The following MND1 variants were observed in gnomAD, a reference collection of about 807,000 sequenced individuals.
The protein encoded by MND1 is meiotic nuclear division protein 1 homolog.
MND1 carries 28 observed loss-of-function variants against 35.1 expected under a neutral mutation model. The ratio of observed to expected loss-of-function variants is 0.80; its 90% CI spans 0.59 to 1.09. The LOEUF is 1.09. Ranked by LOEUF, MND1 falls within the 50% of genes least tolerant of loss-of-function variation. The pLI is 0.00. For synonymous variants in MND1, 69 were observed against 70.5 expected, an observed-to-expected ratio of 0.98 and a Z score of 0.11; for missense variants, 213 against 239.6, an observed-to-expected ratio of 0.89 and a Z score of 0.73.
intron 4 of MND1, among the ~76,000 whole-genome samples, chr4:153,380,844 AG>A (rs1245142895): frequency 1.3e-5 from 2 of 152,188 alleles, no homozygotes; most frequent in African/African-American, 4.8e-5. Context: ...AATGCTGAAA[AG>A]TATAATATTA....
chr4:153,389,696 A>G (rs1382886709), intron 4 of MND1, among the ~76,000 whole-genome samples: 2 of 152,060 alleles, frequency 1.3e-5, no homozygotes, highest in Non-Finnish European at 2.9e-5. Flanking sequence ...TCACCTCTCT[A>G]TTTTTGTAAA....
At chr4:153,393,059 T>G (rs897427355) in intron 4 of MND1, among the ~76,000 whole-genome samples, 3 of 152,008 alleles carry the variant, frequency 2.0e-5, no homozygotes, top group Non-Finnish European at 4.4e-5. Flanking sequence ...GCAAAAGTTG[T>G]AGGGAGTCAT....
At chr4:153,378,862 G>A (rs189016603) in intron 4 of MND1, among the ~76,000 whole-genome samples, 17 of 152,208 alleles carry the variant, frequency 1.1e-4, no homozygotes, top group Admixed American at 1.0e-3. Context: ...TCTTATAAGG[G>A]ACTTCAGTAT....
chr4:153,379,713 G>C (rs1340740627), intron 4 of MND1, among the ~76,000 whole-genome samples: 2 of 151,860 alleles, frequency 1.3e-5, no homozygotes, highest in Admixed American at 1.3e-4. Context: ...AGCTGGGCAT[G>C]GTGATGTGTG....
At chr4:153,394,116 T>C in intron 4 of MND1, 146 bp from the exon 5 acceptor site, 1 of 581,722 alleles carries the variant, frequency 1.7e-6, no homozygotes, top group Non-Finnish European at 3.1e-6. Flanking sequence ...CAGGATGGTC[T>C]CCATCTCTTG....
intron 1 of MND1, among the ~76,000 whole-genome samples, chr4:153,349,326 T>G (rs539407443): frequency 6.6e-6 from 1 of 152,180 alleles, no homozygotes; most frequent in Admixed American, 6.5e-5. Flanking sequence ...CCCTTCCATC[T>G]TCTCTTCCAC....
chr4:153,351,535 A>G (rs897369102), intron 2 of MND1, among the ~76,000 whole-genome samples: 2 of 152,194 alleles, frequency 1.3e-5, no homozygotes, highest in Non-Finnish European at 2.9e-5. Context: ...TTGTTCTTTC[A>G]TGAATGGAAT....
At chr4:153,369,496 A>G (rs1224640058) in intron 4 of MND1, among the ~76,000 whole-genome samples, 2 of 152,268 alleles carry the variant, frequency 1.3e-5, no homozygotes, top group South Asian at 2.1e-4. Flanking sequence ...CAGTGCACCT[A>G]AAAGTTATAT....
intron 4 of MND1, among the ~76,000 whole-genome samples, chr4:153,362,537 G>A (rs558992603): frequency 2.8e-4 from 43 of 152,308 alleles, no homozygotes; most frequent in African/African-American, 1.0e-3. Flanking sequence ...GCCTGCAGAA[G>A]CATGAACCAA....
At chr4:153,361,090 C>T (rs536499135) in intron 4 of MND1, among the ~76,000 whole-genome samples, 44 of 152,324 alleles carry the variant, frequency 2.9e-4, no homozygotes, top group African/African-American at 1.1e-3. Context: ...CCACCTACCT[C>T]AGCTTCCCAA....
intron 2 of MND1, 145 bp from the exon 3 acceptor site, chr4:153,355,509 A>G (rs370433575): frequency 2.9e-5 from 17 of 578,510 alleles, no homozygotes; most frequent in Admixed American, 6.5e-5. Context: ...ATCATAACAC[A>G]TTGTATACCT....
chr4:153,384,258 C>CTT lies in MND1; in HGVS notation c.277-9978_277-9977dup, dbSNP rs35214226. On this transcript the variant is annotated intron_variant, in intron 4 of 7. Transcript: ENST00000240488. ...TCCATATTTCCATTTCTACTTTCTG[C>CTT]TTTTTTTTTTTTTTTTTTTTTTTTT... Among the ~76,000 whole-genome samples, 309 of 55,370 alleles carry CTT rather than the reference C, an allele frequency of 5.6e-3. 47 individuals are homozygous for CTT. The highest frequency in any genetic ancestry group is 0.054 in the East Asian group (103 of 1,904). 36.3% of individuals were successfully genotyped at this position (55,370 alleles called of 152,430 possible).
At chr4:153,409,855 G>A (rs1729632244) in intron 7 of MND1, among the ~76,000 whole-genome samples, 1 of 152,008 alleles carries the variant, frequency 6.6e-6, no homozygotes, top group Admixed American at 6.6e-5. Context: ...GGGTGAAACA[G>A]CAAACTGACA....
intron 4 of MND1, among the ~76,000 whole-genome samples, chr4:153,392,343 G>T (rs1645102903): frequency 6.6e-6 from 1 of 152,064 alleles, no homozygotes; most frequent in Non-Finnish European, 1.5e-5. Context: ...CTGACCTCGT[G>T]ATCGGCCCGC....
intron 5 of MND1, 129 bp from the exon 6 acceptor site, chr4:153,397,086 TTATA>T: frequency 3.5e-6 from 2 of 572,262 alleles, no homozygotes; most frequent in East Asian, 2.9e-5. Context: ...GTGTGTATAC[TTATA>T]TATATAATGT....
In MND1 at chr4:153,397,221, A is replaced by G; in HGVS notation, c.354A>G (p.Glu118=). Residue 118 remains glutamate (E), a splice_region_variant and synonymous_variant, in exon 6 of 8, where the codon GAA becomes GAG. Coordinates refer to ENST00000240488, the MANE Select transcript of MND1 (RefSeq NM_032117.4). ...EKAKIGRCET[E]ERTRLAKELS... is the part of the protein sequence containing the mutation. ...ACATAAAACTATCTGGAATGCAGGA[A>G]GAGCGAACCAGGCTAGCAAAAGAGC... 2.5e-6 allele frequency: 4 copies of G among 1,609,900 alleles called. No homozygotes were observed. Among genetic ancestry groups the G allele is most frequent in the Non-Finnish European group, 3.4e-6 (4 of 1,178,098 alleles).
intron 4 of MND1, among the ~76,000 whole-genome samples, chr4:153,359,524 A>C (rs1005644645): frequency 2.0e-5 from 3 of 152,234 alleles, no homozygotes; most frequent in African/African-American, 7.2e-5. Context: ...TGTACACATA[A>C]ATTTTCAACA....
chr4:153,361,537 T>C (rs1462045311), intron 4 of MND1: 1 of 456,204 alleles, frequency 2.2e-6, no homozygotes, highest in East Asian at 6.9e-5. Context: ...ATAATTAAAG[T>C]CTCCTATTAT....
chr4:153,382,809 A>G (rs1004627824), intron 4 of MND1, among the ~76,000 whole-genome samples: 7 of 152,224 alleles, frequency 4.6e-5, no homozygotes, highest in Non-Finnish European at 1.0e-4. Flanking sequence ...TAGTAATTAA[A>G]CAATATTTTC....
Sources: allele counts gnomAD v4.1 joint callset (sites outside exome capture counted in the v4.1 genomes callset), GRCh38; gene constraint gnomAD v4.1.1; transcripts MANE v1.5; gene names NCBI Gene and HGNC (gene_info 2026-07-23, HGNC 2026-07-21).